TIA1: variants seen among roughly 807,000 people sequenced by gnomAD.
TIA1 encodes TIA1 cytotoxic granule associated RNA binding protein, also known as cytotoxic granule associated RNA binding protein TIA1.
TIA1 carries 23 observed loss-of-function variants against 65.9 expected under a neutral mutation model. The observed-to-expected ratio is 0.35, with a 90% confidence interval of 0.25 to 0.49. The LOEUF (loss-of-function observed/expected upper bound fraction) is 0.49, where lower values mean the gene tolerates loss of function less well. TIA1 is among the 20% of genes least tolerant of loss of function. The pLI is 0.98. For synonymous variants in TIA1, 147 were observed against 149.4 expected, an observed-to-expected ratio of 0.98 and a Z score of 0.12; for missense variants, 371 against 477.9, an observed-to-expected ratio of 0.78 and a Z score of 2.09.
intron 8 of TIA1, 111 bp downstream of exon 8, chr2:70,216,775 T>G: frequency 6.2e-7 from 1 of 1,604,600 alleles, no homozygotes; most frequent in Non-Finnish European, 8.5e-7. Flanking sequence ...TAGTCTTGAT[T>G]TGCTTCTCAT....
Position 70,227,796 on chromosome 2 carries a change from G to T in TIA1, c.337C>A (p.Leu113Ile), listed in dbSNP as rs1684447547. The T allele has an allele frequency of 6.3e-7, 1 of 1,598,278 alleles. No homozygotes were observed. Among genetic ancestry groups the T allele is most frequent in the South Asian group, 1.1e-5 (1 of 88,752 alleles). ...QDHFHVFVGD[L>I]SPEITTEDIK... is the part of the protein sequence containing the mutation. ...TCTTCAGTTGTAATTTCTGGGCTGA[G>T]ATCACCAACAAAGACATGGAAATGA... is the stretch of plus-strand genomic sequence containing the variant. Residue 113 changes from leucine to isoleucine, a missense_variant, in exon 6 of 13, where the codon CTC (leucine) becomes ATC (isoleucine). By Grantham distance (5) the Leu-to-Ile change is conservative. Coordinates refer to ENST00000433529, the MANE Select transcript of TIA1 (RefSeq NM_022173.4).
At chr2:70,219,860 A>G (rs898099691) in intron 7 of TIA1, among the ~76,000 whole-genome samples, 1 of 151,584 alleles carries the variant, frequency 6.6e-6, no homozygotes, top group Non-Finnish European at 1.5e-5. Context: ...TATTACAGGA[A>G]TGAGCCACTG....
intron 1 of TIA1, among the ~76,000 whole-genome samples, chr2:70,242,556 AAAAACG>A (rs1442565059): frequency 1.7e-4 from 25 of 150,672 alleles, no homozygotes; most frequent in South Asian, 1.3e-3. Flanking sequence ...AAATTTGAGT[AAAAACG>A]ATGAATAGTT....
chr2:70,243,323 AG>A (rs1692736072), intron 1 of TIA1, among the ~76,000 whole-genome samples: 2 of 152,174 alleles, frequency 1.3e-5, no homozygotes, highest in South Asian at 4.1e-4. Flanking sequence ...GCTATTCAGG[AG>A]GCTGAGGTGG....
chr2:70,231,547 T>A (rs1390374594), intron 2 of TIA1, among the ~76,000 whole-genome samples: 1 of 152,220 alleles, frequency 6.6e-6, no homozygotes, highest in Non-Finnish European at 1.5e-5. Flanking sequence ...TATTAATGAC[T>A]AGGTATCCTA....
chr2:70,232,134 G>A (rs548999752), intron 2 of TIA1, among the ~76,000 whole-genome samples: 7 of 150,162 alleles, frequency 4.7e-5, no homozygotes, highest in African/African-American at 9.8e-5. Flanking sequence ...CCCAGGAGAC[G>A]GAGCTTGCAG....
intron 1 of TIA1, among the ~76,000 whole-genome samples, chr2:70,238,611 A>G (rs1690219496): frequency 2.0e-5 from 3 of 151,986 alleles, no homozygotes; most frequent in Admixed American, 2.0e-4. Context: ...GAATGCTTAC[A>G]GTGGGATGAG....
intron 1 of TIA1, among the ~76,000 whole-genome samples, chr2:70,242,333 A>C (rs1183616444): frequency 1.3e-5 from 2 of 151,800 alleles, no homozygotes; most frequent in Non-Finnish European, 2.9e-5. Context: ...GGAGTTCGAG[A>C]TCAGCCTGGC....
intron 7 of TIA1, among the ~76,000 whole-genome samples, chr2:70,221,966 G>A (rs984861857): frequency 3.0e-4 from 46 of 151,886 alleles, no homozygotes; most frequent in Non-Finnish European, 6.2e-4. Context: ...TTTTTGTAGA[G>A]AAGGGGTTTT....
intron 6 of TIA1, chr2:70,225,246 T>C: frequency 2.6e-6 from 3 of 1,141,654 alleles, no homozygotes; most frequent in South Asian, 1.8e-5. Context: ...AATTTTATAA[T>C]AGCATTCATA....
intron 2 of TIA1, 35 bp from the exon 3 acceptor site, chr2:70,230,889 C>T: frequency 6.6e-7 from 1 of 1,517,136 alleles, no homozygotes; most frequent in South Asian, 1.2e-5. Context: ...CAATTTTAAG[C>T]TTTATTCACC....
chr2:70,231,602 G>A (rs1425822206), intron 2 of TIA1, among the ~76,000 whole-genome samples: 9 of 152,122 alleles, frequency 5.9e-5, no homozygotes, highest in African/African-American at 2.2e-4. Flanking sequence ...ATAACCATTT[G>A]TTCAAGCTAC....
At chr2:70,216,081 A>C in intron 10 of TIA1, 127 bp downstream of exon 10, 1 of 943,892 alleles carries the variant, frequency 1.1e-6, no homozygotes, top group South Asian at 1.7e-5. Flanking sequence ...AACCAAGGTA[A>C]ATTTTTAAGA....
At chr2:70,234,365 C>T (rs1004679638) in intron 2 of TIA1, among the ~76,000 whole-genome samples, 1 of 152,118 alleles carries the variant, frequency 6.6e-6, no homozygotes, top group African/African-American at 2.4e-5. Flanking sequence ...CATCTTTCCC[C>T]ATCTTTCCCT....
Position 70,248,588 on chromosome 2 carries a change from G to C in TIA1, c.-158C>G, listed in dbSNP as rs187388474. The C allele has an allele frequency of 3.8e-3, 3,974 of 1,032,852 alleles. 56 individuals carry two copies. The highest frequency in any genetic ancestry group is 2.7e-3 in the Non-Finnish European group (1,877 of 692,422). The allele number at this position is 1,032,852 out of a possible 1,614,324, so 64.0% of individuals were successfully genotyped here. A position where few individuals can be genotyped will look rare whatever the true frequency, so the allele number is the denominator to read the frequency against. Reference sequence around the variant, plus strand: ...CGGCGGCAATTACACTAAACCGCCCGGCCCAGCGGGAACAATGAAACCCCA... The same window carrying C: ...CGGCGGCAATTACACTAAACCGCCCCGCCCAGCGGGAACAATGAAACCCCA... On this transcript the variant is annotated 5_prime_UTR_variant, in exon 1 of 13. Transcript: ENST00000433529.
At chr2:70,230,905 C>T (rs987387813) in intron 2 of TIA1, 51 bp from the exon 3 acceptor site, 1 of 1,417,324 alleles carries the variant, frequency 7.1e-7, no homozygotes, top group Non-Finnish European at 9.7e-7. Flanking sequence ...TCACCCATTA[C>T]CTTAAAATTA....
In TIA1 at chr2:70,229,348, T is replaced by G. The variant is rs554267887; in HGVS notation, c.223-30A>C. ...AAAAAAAAAATTTCTACATTTATAC[T>G]TCACAAAAATAAAGCCCAAAATCAC... is the stretch of plus-strand genomic sequence containing the variant. On this transcript the variant is annotated intron_variant, in intron 3 of 12. Transcript: ENST00000433529. The G allele has an allele frequency of 1.9e-6, 3 of 1,575,426 alleles. No homozygotes were observed. In the East Asian group the frequency reaches 6.7e-5, roughly 35 times the overall value.
At chr2:70,228,781 G>T in intron 5 of TIA1, 5 of 1,336,448 alleles carry the variant, frequency 3.7e-6, no homozygotes, top group Admixed American at 3.5e-5. Context: ...CCCAAATGGT[G>T]ACCTCAAGAA....
chr2:70,223,955 C>CT (rs1682694598), intron 7 of TIA1, among the ~76,000 whole-genome samples: 1 of 152,024 alleles, frequency 6.6e-6, no homozygotes, highest in Non-Finnish European at 1.5e-5. Context: ...GGGTCTCACT[C>CT]TGTCGCCCAG....
Sources: gnomAD v4.1 joint callset for allele counts (sites outside exome capture counted in the v4.1 genomes callset) on GRCh38, gnomAD v4.1.1 for gene constraint, MANE v1.5 for transcripts, NCBI Gene and HGNC (gene_info 2026-07-23, HGNC 2026-07-21) for gene names.